REV1: variants seen among roughly 807,000 people sequenced by gnomAD.
The protein encoded by REV1 is translesion synthesis protein REV1.
In REV1, 42 loss-of-function variants were observed where a neutral mutation model predicts 137.4. The ratio of observed to expected loss-of-function variants is 0.31; its 90% CI spans 0.24 to 0.40. REV1 has a LOEUF of 0.40. Ranked by LOEUF, REV1 falls within the 10% of genes least tolerant of loss-of-function variation. The pLI is 1.00. For synonymous variants in REV1, 524 were observed against 519.2 expected (o/e 1.01, Z -0.12); for missense variants, 1,282 against 1,490.1 (o/e 0.86, Z 2.30).
At chr2:99,482,739 T>C (rs982101537) in intron 1 of REV1, among the ~76,000 whole-genome samples, 1 of 152,128 alleles carries the variant, frequency 6.6e-6, no homozygotes, top group South Asian at 2.1e-4. Flanking sequence ...AAGATTATCA[T>C]GAGAAAAAAT....
chr2:99,414,644 TG>T (rs1677610991), intron 12 of REV1, among the ~76,000 whole-genome samples: 1 of 146,152 alleles, frequency 6.8e-6, no homozygotes, highest in Non-Finnish European at 1.5e-5. Flanking sequence ...TTCTTCAATT[TG>T]CTCTTTTTGT....
At chr2:99,429,346 CAACACTCTT>C (rs1679816173) in intron 9 of REV1, among the ~76,000 whole-genome samples, 1 of 152,072 alleles carries the variant, frequency 6.6e-6, no homozygotes, top group African/African-American at 2.4e-5. Context: ...AACAAGTTGA[CAACACTCTT>C]AACACTTTTA....
chr2:99,483,565 T>G (rs538749880), intron 1 of REV1, among the ~76,000 whole-genome samples: 1 of 152,356 alleles, frequency 6.6e-6, no homozygotes, highest in East Asian at 1.9e-4. Context: ...AAGCATCCTA[T>G]GTGGATAAGG....
chr2:99,411,271 G>T (rs1425155640), intron 13 of REV1, among the ~76,000 whole-genome samples: 1 of 152,156 alleles, frequency 6.6e-6, no homozygotes, highest in Non-Finnish European at 1.5e-5. Flanking sequence ...CTGGGCGACA[G>T]AGGGAGACTC....
At chr2:99,480,872 A>T (rs1328226592) in intron 1 of REV1, among the ~76,000 whole-genome samples, 1 of 152,192 alleles carries the variant, frequency 6.6e-6, no homozygotes, top group Non-Finnish European at 1.5e-5. Context: ...AAAAACAAAA[A>T]CATTACAACA....
At chr2:99,424,033 TG>T in intron 10 of REV1, 118 bp downstream of exon 10, 1 of 1,095,336 alleles carries the variant, frequency 9.1e-7, no homozygotes, top group Non-Finnish European at 1.3e-6. Flanking sequence ...GAGTGGTTCC[TG>T]GAAGATAAAA....
intron 3 of REV1, among the ~76,000 whole-genome samples, chr2:99,458,582 TATACTC>T (rs1378449956): frequency 3.3e-5 from 5 of 152,204 alleles, no homozygotes; most frequent in Non-Finnish European, 5.9e-5. Context: ...GTACTCTTCT[TATACTC>T]ATACAAAAAC....
At position 99,411,651 on chromosome 2, in the gene REV1, G is replaced by A. The variant is rs557592405; in HGVS notation, c.2173-784C>T. On this transcript the variant is annotated intron_variant, in intron 13 of 22. Coordinates refer to ENST00000258428, the MANE Select transcript of REV1 (RefSeq NM_016316.4). The stretch of plus-strand genomic sequence containing the variant: ...CTCCAACTCCTGACCTCAGGTGATC[G>A]GCCTGCCTCAGCCTCCCAAAGTGCT... 2.1e-3 allele frequency among the ~76,000 whole-genome samples: 318 copies of A among 151,486 alleles called. 3 individuals are homozygous for A. The highest frequency in any genetic ancestry group is 7.1e-3 in the African/African-American group (295 of 41,360).
chr2:99,446,792 C>T (rs939345934), intron 4 of REV1, among the ~76,000 whole-genome samples: 2 of 152,102 alleles, frequency 1.3e-5, no homozygotes, highest in South Asian at 4.1e-4. Flanking sequence ...CGCACCCGGC[C>T]GGAAAACACC....
chr2:99,411,350 C>T (rs1013700718), intron 13 of REV1, among the ~76,000 whole-genome samples: 1 of 152,038 alleles, frequency 6.6e-6, no homozygotes, highest in South Asian at 2.1e-4. Context: ...AATACAAATA[C>T]CCACCTTCCC....
At chr2:99,461,907 A>G (rs575976331) in intron 3 of REV1, among the ~76,000 whole-genome samples, 1 of 152,358 alleles carries the variant, frequency 6.6e-6, no homozygotes, top group African/African-American at 2.4e-5. Flanking sequence ...AATAAAGACT[A>G]CACTACCCCT....
Position 99,402,777 on chromosome 2 carries a change from TGAAGTA to T in REV1, c.3402_3407del (p.Thr1135_Ser1136del). ...GCAAACTAGAAAGGCCTGGCACACC[TGAAGTA>T]GAAGCAGAGAGTTCTTCCTGTTAAG... On this transcript the variant is annotated inframe_deletion, in exon 21 of 23. Transcript: ENST00000258428. 1.9e-6 allele frequency: 3 copies of T among 1,614,202 alleles called. No homozygotes were observed. In the South Asian group the frequency reaches 3.3e-5, roughly 18 times the overall value.
At chr2:99,463,481 T>TTG (rs897402387) in intron 2 of REV1, among the ~76,000 whole-genome samples, 35 of 152,208 alleles carry the variant, frequency 2.3e-4, no homozygotes, top group African/African-American at 8.2e-4. Context: ...GATCGTGCTA[T>TTG]TGCACCCCAG....
At chr2:99,449,590 T>C (rs1682682471) in intron 3 of REV1, 86 bp from the exon 4 acceptor site, 1 of 600,752 alleles carries the variant, frequency 1.7e-6, no homozygotes, top group African/African-American at 1.9e-5. Flanking sequence ...AGGTCAACTT[T>C]AAGAATGTCA....
intron 22 of REV1, among the ~76,000 whole-genome samples, chr2:99,402,009 C>T (rs1185939713): frequency 1.3e-5 from 2 of 152,168 alleles, no homozygotes; most frequent in Non-Finnish European, 2.9e-5. Context: ...GAAGTACAGG[C>T]GTGAGCCACT....
chr2:99,430,985 C>T (rs1025353297), intron 8 of REV1, among the ~76,000 whole-genome samples: 5 of 152,112 alleles, frequency 3.3e-5, no homozygotes, highest in Admixed American at 6.6e-5. Flanking sequence ...ATTTTGAGTG[C>T]ACTGTAACAA....
chr2:99,466,141 C>T lies in REV1; in HGVS notation c.-10-1156G>A, dbSNP rs189103789. Reference sequence around the variant, plus strand: ...CTTTTTTTTGTATTTTTAGTAGAGACGGCGTTTCACCATGTGAGCCAGGAT... The same window carrying T: ...CTTTTTTTTGTATTTTTAGTAGAGATGGCGTTTCACCATGTGAGCCAGGAT... On this transcript the variant is annotated intron_variant, in intron 1 of 22. Coordinates refer to ENST00000258428, the MANE Select transcript of REV1 (RefSeq NM_016316.4). 2.5e-3 allele frequency among the ~76,000 whole-genome samples: 374 copies of T among 152,128 alleles called. 2 individuals carry two copies. Among genetic ancestry groups the T allele is most frequent in the African/African-American group, 8.6e-3 (355 of 41,490 alleles).
intron 9 of REV1, among the ~76,000 whole-genome samples, chr2:99,427,137 G>A (rs1040612792): frequency 8.5e-5 from 13 of 152,090 alleles, no homozygotes; most frequent in Non-Finnish European, 1.8e-4. Flanking sequence ...AGCCGAGATA[G>A]CACCACTGCA....
chr2:99,451,416 C>A, intron 3 of REV1: 1 of 1,302,046 alleles, frequency 7.7e-7, no homozygotes, highest in South Asian at 1.2e-5. Flanking sequence ...TGCCCTTCTA[C>A]TGGATGAAGT....
Sources: gnomAD v4.1 joint callset for allele counts (sites outside exome capture counted in the v4.1 genomes callset) on GRCh38, gnomAD v4.1.1 for gene constraint, MANE v1.5 for transcripts, NCBI Gene and HGNC (gene_info 2026-07-23, HGNC 2026-07-21) for gene names.